GRM7: variants seen among roughly 807,000 people sequenced by gnomAD.
The protein encoded by GRM7 is metabotropic glutamate receptor 7.
A neutral mutation model predicts 84.5 loss-of-function variants in GRM7; 35 were observed. The observed-to-expected ratio is 0.41, with a 90% confidence interval of 0.32 to 0.55. The LOEUF (loss-of-function observed/expected upper bound fraction) is 0.55, where lower values mean the gene tolerates loss of function less well. Ranked by LOEUF, GRM7 falls within the 20% of genes least tolerant of loss-of-function variation. GRM7 has a pLI of 0.19. For synonymous variants in GRM7, 487 were observed against 455.1 expected (o/e 1.07, Z -0.89); for missense variants, 1,003 against 1,194.6 (o/e 0.84, Z 2.36).
At chr3:7,313,120 G>A (rs1179812077) in intron 4 of GRM7, among the ~76,000 whole-genome samples, 1 of 151,724 alleles carries the variant, frequency 6.6e-6, no homozygotes, top group Admixed American at 6.6e-5. Context: ...GTAGAGATGG[G>A]GTTTCACCAT....
intron 8 of GRM7, among the ~76,000 whole-genome samples, chr3:7,613,177 A>C (rs960223637): frequency 6.6e-6 from 1 of 152,142 alleles, no homozygotes; most frequent in Non-Finnish European, 1.5e-5. Flanking sequence ...ATGGACATGA[A>C]TTTGGGGTCA....
chr3:7,160,970 T>A (rs1377998521), intron 2 of GRM7, among the ~76,000 whole-genome samples: 2 of 152,156 alleles, frequency 1.3e-5, no homozygotes, highest in African/African-American at 4.8e-5. Flanking sequence ...GTTGCTGGAA[T>A]AAATGAATGA....
At chr3:7,058,649 G>A (rs1697317169) in intron 1 of GRM7, among the ~76,000 whole-genome samples, 1 of 151,808 alleles carries the variant, frequency 6.6e-6, no homozygotes, top group African/African-American at 2.4e-5. Context: ...AATTTCCTCA[G>A]CAAGTCCATT....
At chr3:7,493,487 C>T (rs919394515) in intron 7 of GRM7, among the ~76,000 whole-genome samples, 1 of 151,962 alleles carries the variant, frequency 6.6e-6, no homozygotes, top group Non-Finnish European at 1.5e-5. Flanking sequence ...AATATAGCCA[C>T]TCTTGCTGTT....
At chr3:7,077,085 G>C (rs901846904) in intron 1 of GRM7, among the ~76,000 whole-genome samples, 6 of 152,174 alleles carry the variant, frequency 3.9e-5, no homozygotes, top group Admixed American at 1.3e-4. Context: ...AGGTGCTGGA[G>C]AGTCTGTGGA....
intron 9 of GRM7, among the ~76,000 whole-genome samples, chr3:7,738,889 TG>T (rs141181312): frequency 6.6e-6 from 1 of 152,256 alleles, no homozygotes; most frequent in Non-Finnish European, 1.5e-5. Context: ...TTTTCCTCCT[TG>T]TACCCAAACC....
chr3:7,166,139 A>G (rs1273314673), intron 2 of GRM7, among the ~76,000 whole-genome samples: 1 of 152,236 alleles, frequency 6.6e-6, no homozygotes, highest in Non-Finnish European at 1.5e-5. Context: ...TATAACTAAT[A>G]GTCTCTCCTC....
At chr3:7,177,048 T>C (rs181398044) in intron 2 of GRM7, among the ~76,000 whole-genome samples, 31 of 152,316 alleles carry the variant, frequency 2.0e-4, no homozygotes, top group Admixed American at 1.8e-3. Context: ...ACTCCAAATT[T>C]TTCTGAATCC....
At chr3:7,152,498 A>G (rs930522999) in intron 2 of GRM7, among the ~76,000 whole-genome samples, 1 of 152,102 alleles carries the variant, frequency 6.6e-6, no homozygotes, top group African/African-American at 2.4e-5. Flanking sequence ...TCCCATATTT[A>G]TCCTTTTTCA....
intron 9 of GRM7, among the ~76,000 whole-genome samples, chr3:7,720,262 A>G (rs1701899664): frequency 6.6e-6 from 1 of 152,176 alleles, no homozygotes; most frequent in Non-Finnish European, 1.5e-5. Flanking sequence ...GACCTGGGCA[A>G]TACCATCTCC....
intron 7 of GRM7, among the ~76,000 whole-genome samples, chr3:7,537,239 CTCT>C (rs887828619): frequency 2.6e-5 from 4 of 152,174 alleles, no homozygotes; most frequent in Non-Finnish European, 4.4e-5. Context: ...TGATTTTAAT[CTCT>C]TCTTCTTTCC....
At chr3:7,076,481 G>A (rs1001983002) in intron 1 of GRM7, among the ~76,000 whole-genome samples, 3 of 152,126 alleles carry the variant, frequency 2.0e-5, no homozygotes, top group African/African-American at 7.2e-5. Context: ...CTCGCCTGCT[G>A]CCATGTAAGA....
chr3:7,064,280 T>G (rs907444504), intron 1 of GRM7, among the ~76,000 whole-genome samples: 23 of 150,516 alleles, frequency 1.5e-4, no homozygotes, highest in African/African-American at 5.6e-4. Context: ...GTATTATTCT[T>G]ATGCCTTTGT....
chr3:7,637,551 G>GTT (rs1351106696), intron 8 of GRM7, among the ~76,000 whole-genome samples: 1 of 152,154 alleles, frequency 6.6e-6, no homozygotes, highest in Non-Finnish European at 1.5e-5. Flanking sequence ...ATAAAATTTG[G>GTT]TTTACAGAAA....
intron 4 of GRM7, among the ~76,000 whole-genome samples, chr3:7,335,051 A>G (rs1166639086): frequency 1.4e-4 from 21 of 152,276 alleles, no homozygotes; most frequent in Non-Finnish European, 2.6e-4. Context: ...GCTATACACT[A>G]GAATGAATGG....
At chr3:7,462,372 T>C (rs1365060562) in intron 7 of GRM7, among the ~76,000 whole-genome samples, 1 of 152,172 alleles carries the variant, frequency 6.6e-6, no homozygotes, top group Admixed American at 6.5e-5. Context: ...CAATTTACTT[T>C]ACTCACCCAC....
Position 7,189,867 on chromosome 3 carries a change from T to C in GRM7, c.736+43199T>C, listed in dbSNP as rs994221661. On this transcript the variant is annotated intron_variant, in intron 2 of 9. Coordinates refer to ENST00000357716, the MANE Select transcript of GRM7 (RefSeq NM_000844.4). Reference sequence around the variant, plus strand: ...TGAGGAATAGTTATTCTTCCAGCCCTATATTAGAATGACTAAACGTTGCCT... The same window carrying C: ...TGAGGAATAGTTATTCTTCCAGCCCCATATTAGAATGACTAAACGTTGCCT... Among the ~76,000 whole-genome samples the C allele has an allele frequency of 1.3e-5, 2 of 152,132 alleles. 1 individual carries two copies. The highest frequency in any genetic ancestry group is 1.3e-4 in the Admixed American group (2 of 15,248).
intron 7 of GRM7, among the ~76,000 whole-genome samples, chr3:7,524,245 A>C (rs920701234): frequency 9.3e-5 from 14 of 150,588 alleles, no homozygotes; most frequent in Non-Finnish European, 1.8e-4. Flanking sequence ...AATGGCAACA[A>C]AAGCCAAAAT....
intron 1 of GRM7, among the ~76,000 whole-genome samples, chr3:7,007,681 A>T (rs1199223188): frequency 6.6e-6 from 1 of 152,130 alleles, no homozygotes; most frequent in Non-Finnish European, 1.5e-5. Flanking sequence ...CTTATTATAA[A>T]TTTTCATTTA....
Sources: gnomAD v4.1 joint callset for allele counts (sites outside exome capture counted in the v4.1 genomes callset) on GRCh38, gnomAD v4.1.1 for gene constraint, MANE v1.5 for transcripts, NCBI Gene and HGNC (gene_info 2026-07-23, HGNC 2026-07-21) for gene names.